PDE4D: variants seen among roughly 807,000 people sequenced by gnomAD.
PDE4D encodes phosphodiesterase 4D, also known as 3',5'-cyclic-AMP phosphodiesterase 4D.
Under a neutral mutation model 87.4 loss-of-function variants are expected in PDE4D, and 24 were observed. That is an observed-to-expected ratio of 0.27 (90% CI 0.20 to 0.39). The LOEUF is 0.39. PDE4D is among the 10% of genes least tolerant of loss of function. PDE4D has a pLI of 1.00. For synonymous variants in PDE4D, 384 were observed against 383.2 expected (o/e 1.00, Z -0.02); for missense variants, 714 against 1,041.0 (o/e 0.69, Z 4.32).
At chr5:60,468,757 C>T (rs1233500100) in intron 1 of PDE4D, among the ~76,000 whole-genome samples, 9 of 151,762 alleles carry the variant, frequency 5.9e-5, no homozygotes, top group Admixed American at 2.0e-4. Flanking sequence ...AACTCCTGGA[C>T]TCAAGCAATC....
intron 1 of PDE4D, among the ~76,000 whole-genome samples, chr5:59,570,820 G>T (rs1282824203): frequency 6.6e-6 from 1 of 152,162 alleles, no homozygotes; most frequent in Non-Finnish European, 1.5e-5. Context: ...TATAAAATTT[G>T]TGGATCAGAA....
chr5:59,137,805 C>T (rs938249843), intron 5 of PDE4D, among the ~76,000 whole-genome samples: 2 of 152,168 alleles, frequency 1.3e-5, no homozygotes, highest in African/African-American at 4.8e-5. Context: ...GGATTACAGG[C>T]GTAAGCCACC....
intron 1 of PDE4D, among the ~76,000 whole-genome samples, chr5:59,578,787 C>A (rs1583200998): frequency 6.6e-6 from 1 of 152,080 alleles, no homozygotes; most frequent in Non-Finnish European, 1.5e-5. Context: ...TATCTGCATT[C>A]TCCCTCCTTT....
chr5:58,971,638 T>C lies in PDE4D; in HGVS notation c.*3026A>G, dbSNP rs1742611424. ...CTTTCCTTGTCTGTAATTTGTTCTA[T>C]CTACATTATTGTGAATTTTAACTGA... On this transcript the variant is annotated 3_prime_UTR_variant, in exon 15 of 15. Coordinates refer to ENST00000340635, the MANE Select transcript of PDE4D (RefSeq NM_001104631.2). The C allele has an allele frequency of 1.3e-5, 2 of 152,620 alleles. No individual in the cohort carries two copies. The highest frequency in any genetic ancestry group is 2.9e-5 in the Non-Finnish European group (2 of 68,024). 9.5% of individuals were successfully genotyped at this position (152,620 alleles called of 1,614,324 possible).
In PDE4D at chr5:60,390,255, G is replaced by A. The variant is rs889916808; in HGVS notation, c.-90+97687C>T. ...CAATAGCTTTAGGGGGATAGTGGTGGTGACTTCTGTCTAAAGGCAGAGAGA... is the reference window on the plus strand; with the variant it reads ...CAATAGCTTTAGGGGGATAGTGGTGATGACTTCTGTCTAAAGGCAGAGAGA... On this transcript the variant is annotated intron_variant, in intron 1 of 16. Coordinates refer to the PDE4D transcript ENST00000502484. 1.3e-5 allele frequency among the ~76,000 whole-genome samples: 2 copies of A among 152,176 alleles called. 1 individual carries two copies. Among genetic ancestry groups the A allele is most frequent in the African/African-American group, 4.8e-5 (2 of 41,446 alleles).
chr5:59,580,754 T>G (rs892152633), intron 1 of PDE4D, among the ~76,000 whole-genome samples: 1 of 152,136 alleles, frequency 6.6e-6, no homozygotes, highest in African/African-American at 2.4e-5. Context: ...TAACATGAAG[T>G]GGGTAAATAT....
chr5:59,600,302 A>T (rs1219221234), intron 1 of PDE4D, among the ~76,000 whole-genome samples: 1 of 152,124 alleles, frequency 6.6e-6, no homozygotes, highest in Non-Finnish European at 1.5e-5. Context: ...ATATATCTTC[A>T]CAAGTTCTTG....
chr5:59,351,751 A>G (rs918571576), intron 1 of PDE4D, among the ~76,000 whole-genome samples: 4 of 152,192 alleles, frequency 2.6e-5, no homozygotes, highest in Non-Finnish European at 5.9e-5. Context: ...ACCAACATCA[A>G]TTAGGTTAGA....
intron 1 of PDE4D, among the ~76,000 whole-genome samples, chr5:59,376,418 T>C (rs1784745366): frequency 2.0e-5 from 3 of 152,100 alleles, no homozygotes; most frequent in Admixed American, 2.0e-4. Flanking sequence ...AAATCAGGAA[T>C]GCAATCCCAT....
chr5:59,056,063 A>G (rs1580554984), intron 5 of PDE4D, among the ~76,000 whole-genome samples: 1 of 152,296 alleles, frequency 6.6e-6, no homozygotes, highest in African/African-American at 2.4e-5. Context: ...GAGGTTCCAG[A>G]CAGGCTTCCT....
chr5:59,152,643 A>T (rs934406867), intron 5 of PDE4D, among the ~76,000 whole-genome samples: 1 of 152,054 alleles, frequency 6.6e-6, no homozygotes, highest in South Asian at 2.1e-4. Flanking sequence ...TACTGTATTG[A>T]CTAGGTCGTT....
At chr5:59,795,528 G>T (rs574049437) in intron 1 of PDE4D, among the ~76,000 whole-genome samples, 27 of 152,236 alleles carry the variant, frequency 1.8e-4, no homozygotes, top group African/African-American at 6.3e-4. Context: ...ATAAATTACA[G>T]CCATTCTATA....
intron 1 of PDE4D, among the ~76,000 whole-genome samples, chr5:59,317,142 A>G (rs1773895598): frequency 6.6e-6 from 1 of 152,158 alleles, no homozygotes; most frequent in Non-Finnish European, 1.5e-5. Flanking sequence ...TGCACATCTG[A>G]GCCAAAGATG....
chr5:59,823,954 C>T (rs1007620176), intron 1 of PDE4D, among the ~76,000 whole-genome samples: 2 of 151,340 alleles, frequency 1.3e-5, no homozygotes, highest in African/African-American at 4.9e-5. Context: ...GTTGATTTAA[C>T]GTAGTCTCTG....
intron 1 of PDE4D, among the ~76,000 whole-genome samples, chr5:59,711,103 T>C (rs951950133): frequency 1.3e-5 from 2 of 152,182 alleles, no homozygotes; most frequent in African/African-American, 2.4e-5. Context: ...ACAAATTCCA[T>C]TCTGCTTTAC....
At chr5:59,402,832 T>C (rs1790908086) in intron 1 of PDE4D, among the ~76,000 whole-genome samples, 2 of 151,804 alleles carry the variant, frequency 1.3e-5, no homozygotes, top group Non-Finnish European at 2.9e-5. Context: ...ATGATGAAGA[T>C]TTCACACTCT....
At chr5:59,961,067 A>G (rs536391572) in intron 3 of PDE4D, among the ~76,000 whole-genome samples, 4 of 152,304 alleles carry the variant, frequency 2.6e-5, no homozygotes, top group South Asian at 4.1e-4. Context: ...ATCAGTGAGC[A>G]TAACAGAAAA....
At chr5:59,236,002 T>C (rs957634642) in intron 1 of PDE4D, among the ~76,000 whole-genome samples, 3 of 152,158 alleles carry the variant, frequency 2.0e-5, no homozygotes, top group Non-Finnish European at 2.9e-5. Context: ...TGTATTTCTT[T>C]TGTATTATTT....
At chr5:59,490,548 C>T (rs1805992335) in intron 1 of PDE4D, among the ~76,000 whole-genome samples, 1 of 152,128 alleles carries the variant, frequency 6.6e-6, no homozygotes. Flanking sequence ...ATAATCCATG[C>T]AGGTAATTCA....
Sources: allele counts gnomAD v4.1 joint callset (sites outside exome capture counted in the v4.1 genomes callset), GRCh38; gene constraint gnomAD v4.1.1; transcripts MANE v1.5; gene names NCBI Gene and HGNC (gene_info 2026-07-23, HGNC 2026-07-21).